The following SEC31A variants were observed in gnomAD, a reference collection of about 807,000 sequenced individuals.
SEC31A encodes the protein SEC31 homolog A, COPII component.
Under a neutral mutation model 151.0 loss-of-function variants are expected in SEC31A, and 70 were observed. The ratio of observed to expected loss-of-function variants is 0.46; its 90% CI spans 0.38 to 0.57. The LOEUF is 0.57. Among genes scored for constraint, SEC31A ranks in the 20% least tolerant of loss-of-function variants. The pLI is 0.00. For missense variants in SEC31A, 1,330 were observed against 1,471.2 expected (o/e 0.90, Z 1.57); for synonymous variants, 475 against 505.9 (o/e 0.94, Z 0.82).
intron 8 of SEC31A, among the ~76,000 whole-genome samples, chr4:82,867,650 G>C (rs1327758667): frequency 2.0e-5 from 3 of 149,724 alleles, no homozygotes; most frequent in Non-Finnish European, 3.0e-5. Context: ...TTTCTTTTTT[G>C]AGACAGGGTC....
chr4:82,827,855 G>A (rs1326483436), intron 23 of SEC31A, among the ~76,000 whole-genome samples: 2 of 151,146 alleles, frequency 1.3e-5, no homozygotes, highest in African/African-American at 4.9e-5. Context: ...CTCAAACCTG[G>A]ACTTCTTTGT....
intron 14 of SEC31A, 53 bp from the exon 15 acceptor site, chr4:82,857,817 T>A: frequency 8.7e-7 from 1 of 1,156,034 alleles, no homozygotes; most frequent in Admixed American, 2.0e-5. Flanking sequence ...GTGGAATGAT[T>A]TACTGACAAA....
intron 10 of SEC31A, among the ~76,000 whole-genome samples, chr4:82,866,039 TGAA>T (rs1735295151): frequency 8.8e-6 from 1 of 113,128 alleles, no homozygotes; most frequent in African/African-American, 3.6e-5. Flanking sequence ...GCTAAAAGGA[TGAA>T]GAAGAGGGAG....
chr4:82,857,111 A>C lies in SEC31A; in HGVS notation c.1722T>G (p.Thr574=). The C allele has an allele frequency of 6.2e-7, 1 of 1,612,296 alleles. No individual in the cohort carries two copies. Among genetic ancestry groups the C allele is most frequent in the Non-Finnish European group, 8.5e-7 (1 of 1,179,640 alleles). ...SVSGDIDGLI[T]QALLTGNFES... ...CAAAATTGCCCGTCAGCAAAGCCTG[A>C]GTAATTAAACCATCAATGTCTGCAA... Residue 574 remains threonine (T), a synonymous_variant, in exon 16 of 27, where the codon ACT becomes ACG. Coordinates refer to ENST00000395310, the MANE Select transcript of SEC31A (RefSeq NM_001077207.4).
intron 19 of SEC31A, 45 bp from the exon 20 acceptor site, chr4:82,849,022 G>A (rs1730836725): frequency 6.6e-7 from 1 of 1,510,082 alleles, no homozygotes; most frequent in Non-Finnish European, 9.0e-7. Flanking sequence ...AGTTCACCCA[G>A]GTATATGACA....
At chr4:82,891,493 G>C (rs996573817), upstream of SEC31A, among the ~76,000 whole-genome samples, 2 of 152,244 alleles carry the variant, frequency 1.3e-5, no homozygotes, top group Non-Finnish European at 2.9e-5. Context: ...GCCGTGGCCC[G>C]CAGGAACGCC....
rs535439722 is a variant in SEC31A at position 82,835,810 on chromosome 4, G to A, written c.2968+6330C>T. 5.3e-5 allele frequency among the ~76,000 whole-genome samples: 8 copies of A among 152,068 alleles called. No homozygotes were observed. The South Asian group carries it at 1.7e-3, about 32-fold the overall frequency. On this transcript the variant is annotated intron_variant, in intron 22 of 26. Transcript: ENST00000395310. ...ACAAAAAAAAAGGAAAAAGTAAGATGTAAAATTATGTGTATGTGTGTGTTT... is the reference window on the plus strand; with the variant it reads ...ACAAAAAAAAAGGAAAAAGTAAGATATAAAATTATGTGTATGTGTGTGTTT...
chr4:82,824,702 A>G, intron 24 of SEC31A, 28 bp from the exon 25 acceptor site: 1 of 1,606,584 alleles, frequency 6.2e-7, no homozygotes, highest in Non-Finnish European at 8.5e-7. Flanking sequence ...AAAACTGATC[A>G]GAAATGACCA....
rs760211221 is a variant in SEC31A at position 82,854,910 on chromosome 4, G to C, written c.2001C>G (p.Ala667=). 1.1e-5 allele frequency: 17 copies of C among 1,611,864 alleles called. No individual in the cohort carries two copies. The highest frequency in any genetic ancestry group is 1.4e-5 in the Non-Finnish European group (17 of 1,179,276). The change falls in exon 17 of 27, where the codon GCC becomes GCG. Residue 667 remains alanine, a synonymous_variant. Coordinates refer to ENST00000395310, the MANE Select transcript of SEC31A (RefSeq NM_001077207.4). ...LTYAKPDEFS[A]LCDLLGTRLE... Reference sequence around the variant, plus strand: ...ATAAAGCACATCTCTTACCACAAAGGGCTGAAAATTCATCCGGCTTTGCAT... The same window carrying C: ...ATAAAGCACATCTCTTACCACAAAGCGCTGAAAATTCATCCGGCTTTGCAT...
intron 1 of SEC31A, among the ~76,000 whole-genome samples, chr4:82,883,236 G>A (rs1042121204): frequency 6.6e-6 from 1 of 152,132 alleles, no homozygotes; most frequent in Non-Finnish European, 1.5e-5. Context: ...ACTATAAGAT[G>A]TACCATAATT....
intron 25 of SEC31A, among the ~76,000 whole-genome samples, chr4:82,822,179 T>C (rs1005830048): frequency 6.6e-6 from 1 of 152,238 alleles, no homozygotes; most frequent in African/African-American, 2.4e-5. Context: ...CTATGTGCTG[T>C]ACCAGGGACA....
At chr4:82,873,197 A>T (rs1737139179) in intron 6 of SEC31A, among the ~76,000 whole-genome samples, 1 of 152,024 alleles carries the variant, frequency 6.6e-6, no homozygotes, top group South Asian at 2.1e-4. Flanking sequence ...ATCTCTACTA[A>T]AAATACAAAA....
At chr4:82,821,216 A>AT in intron 25 of SEC31A, 108 bp from the exon 26 acceptor site, 1 of 844,708 alleles carries the variant, frequency 1.2e-6, no homozygotes, top group Non-Finnish European at 1.9e-6. Context: ...GAATGGCTTC[A>AT]TTTTATAAAG....
intron 20 of SEC31A, chr4:82,845,201 CTGTGTGT>C: frequency 2.6e-6 from 4 of 1,519,062 alleles, no homozygotes; most frequent in Non-Finnish European, 3.5e-6. Flanking sequence ...AAGGATATAC[CTGTGTGT>C]CAGAGGGAGA....
chr4:82,887,584 C>T (rs1741029329), intron 1 of SEC31A, among the ~76,000 whole-genome samples: 1 of 152,200 alleles, frequency 6.6e-6, no homozygotes, highest in Non-Finnish European at 1.5e-5. Flanking sequence ...CCATGTATGT[C>T]CTGGCTCCTC....
At chr4:82,846,369 A>ATCATC (rs1560609403) in intron 20 of SEC31A, among the ~76,000 whole-genome samples, 13 of 133,358 alleles carry the variant, frequency 9.7e-5, no homozygotes, top group African/African-American at 4.0e-4. Context: ...TCCAAAACAT[A>ATCATC]ATAATAATAA....
intron 16 of SEC31A, among the ~76,000 whole-genome samples, chr4:82,856,560 G>T (rs1286686549): frequency 1.3e-5 from 2 of 148,568 alleles, no homozygotes; most frequent in East Asian, 4.3e-4. Flanking sequence ...AGACCAGCCT[G>T]ACCAACATGG....
chr4:82,859,091 A>G (rs1254217978), intron 14 of SEC31A, among the ~76,000 whole-genome samples: 1 of 152,164 alleles, frequency 6.6e-6, no homozygotes, highest in East Asian at 1.9e-4. Context: ...GGATTTGATT[A>G]TAAAGTGTTT....
At position 82,819,224 on chromosome 4, in the gene SEC31A, G is replaced by A; in HGVS notation, c.3513C>T (p.His1171=). 2 of 1,598,146 alleles carry A rather than the reference G, an allele frequency of 1.3e-6. No individual in the cohort carries two copies. The highest frequency in any genetic ancestry group is 1.7e-6 in the Non-Finnish European group (2 of 1,173,188). Residue 1171 remains histidine, a synonymous_variant, in exon 27 of 27, where the codon CAC becomes CAT. Transcript: ENST00000395310. ...TLSPTITSGL[H]NIARSIETRN... ...GAGTTTCAATGCTCCTTGCAATGTT[G>A]TGTAAACCACTGGTGATTGTTGGTG...
Sources: allele counts gnomAD v4.1 joint callset (sites outside exome capture counted in the v4.1 genomes callset), GRCh38; gene constraint gnomAD v4.1.1; transcripts MANE v1.5; gene names NCBI Gene and HGNC (gene_info 2026-07-23, HGNC 2026-07-21).